DLEC1: variants seen among roughly 807,000 people sequenced by gnomAD.
The protein encoded by DLEC1 is deleted in lung and esophageal cancer protein 1.
DLEC1 carries 146 observed loss-of-function variants against 198.1 expected under a neutral mutation model. That is an observed-to-expected ratio of 0.74 (90% CI 0.64 to 0.85). DLEC1 has a LOEUF of 0.85. Among genes scored for constraint, DLEC1 ranks in the 40% least tolerant of loss-of-function variants. The pLI is 0.00. For missense variants in DLEC1, 2,233 were observed against 2,220.0 expected (o/e 1.01, Z -0.12); for synonymous variants, 897 against 866.8 (o/e 1.03, Z -0.61).
chr3:38,062,966 A>G (rs1029859156), intron 5 of DLEC1, among the ~76,000 whole-genome samples, 165 bp downstream of exon 5: 6 of 152,066 alleles, frequency 3.9e-5, no homozygotes, highest in African/African-American at 1.4e-4. Flanking sequence ...TGGCCTTTGA[A>G]CCTTCCCCAG....
intron 27 of DLEC1, among the ~76,000 whole-genome samples, chr3:38,116,023 G>A (rs1700138116): frequency 6.6e-6 from 1 of 152,116 alleles, no homozygotes; most frequent in East Asian, 1.9e-4. Context: ...AGACAGAGGT[G>A]GACATGGCGG....
chr3:38,110,928 GCA>G lies in DLEC1; in HGVS notation c.3443+656_3443+657del, dbSNP rs376080987. Among the ~76,000 whole-genome samples, 742 of 151,732 alleles carry G rather than the reference GCA, an allele frequency of 4.9e-3. 5 individuals are homozygous for G. The highest frequency in any genetic ancestry group is 0.017 in the African/African-American group (712 of 41,348). On this transcript the variant is annotated intron_variant, in intron 23 of 36. Transcript: ENST00000308059. Reference sequence around the variant, plus strand: ...CACATATGTATACACATATACACATGCACACACACATATACATAAACATACAT... The same window carrying G: ...CACATATGTATACACATATACACATGCACACACATATACATAAACATACAT...
At chr3:38,068,601 C>A (rs906120050) in intron 6 of DLEC1, among the ~76,000 whole-genome samples, 5 of 152,166 alleles carry the variant, frequency 3.3e-5, no homozygotes, top group Admixed American at 2.0e-4. Flanking sequence ...AGGAGTTATC[C>A]TATATGATAG....
chr3:38,102,246 C>T (rs774487588), intron 19 of DLEC1, among the ~76,000 whole-genome samples: 3 of 152,174 alleles, frequency 2.0e-5, no homozygotes, highest in Non-Finnish European at 2.9e-5. Context: ...ACACTCCCAC[C>T]TTAACAATCT....
rs879233741 is a variant in DLEC1, at chr3:38,112,112, T to G, written c.3515-98T>G. The G allele has an allele frequency of 1.5e-5, 24 of 1,549,442 alleles. No individual in the cohort carries two copies. The highest frequency in any genetic ancestry group is 1.1e-4 in the East Asian group (5 of 44,150). On this transcript the variant is annotated intron_variant, in intron 24 of 36. Coordinates refer to ENST00000308059, the MANE Select transcript of DLEC1 (RefSeq NM_007335.4). This position sits in a 1 kb window ranked among gnomAD's most constrained non-coding sequence, Gnocchi z 4.8. The stretch of plus-strand genomic sequence containing the variant: ...GCCTGACCAAGGAGAGGCTGGAGGG[T>G]GGCTTATCGGGGACAGTGCTTTGCT...
chr3:38,064,007 C>CTTTTTTTTTTTTTTTTTTTTTT (rs71094947), intron 6 of DLEC1, 88 bp downstream of exon 6: 1 of 417,598 alleles, frequency 2.4e-6, no homozygotes, highest in Non-Finnish European at 3.7e-6. Flanking sequence ...TTTTTTTTTT[C>CTTTTTTTTTTTTTTTTTTTTTT]TTTTTTTTTT....
In DLEC1 at chr3:38,116,774, T is replaced by C. The variant is rs756455564; in HGVS notation, c.4064T>C (p.Val1355Ala). ...SEFSHETDSS[V>A]EGSSSASNRV... is the part of the protein sequence containing the mutation. ...ACCTCAGTGATTCCTTGGTGACAGG[T>C]TGAGGGCAGCTCCAGTGCCAGCAAT... is the stretch of plus-strand genomic sequence containing the variant. Residue 1355 changes from valine to alanine, a missense_variant and splice_region_variant, in exon 29 of 37, where the codon GTT becomes GCT. Transcript: ENST00000308059. 4.3e-6 allele frequency: 7 copies of C among 1,611,748 alleles called. No individual in the cohort carries two copies. The South Asian group carries it at 6.6e-5, about 15-fold the overall frequency.
chr3:38,116,573 G>A lies in DLEC1; in HGVS notation c.3977G>A (p.Cys1326Tyr), dbSNP rs1236508221. 1.2e-6 allele frequency: 2 copies of A among 1,614,006 alleles called. No homozygotes were observed. Among genetic ancestry groups the A allele is most frequent in the East Asian group, 2.2e-5 (1 of 44,888 alleles). ...GACCAAGCCGGGAATGAGCTTGTGT[G>A]CCCTGATACCCCTGAGGGTGGCTGC... ...LRDQAGNELV[C>Y]PDTPEGGCLL... Residue 1326 changes from cysteine to tyrosine, a missense_variant, in exon 28 of 37, where the codon TGC becomes TAC. By Grantham distance (194) the Cys-to-Tyr change is radical (BLOSUM62 -2). Coordinates refer to ENST00000308059, the MANE Select transcript of DLEC1 (RefSeq NM_007335.4).
At position 38,063,889 on chromosome 3, in the gene DLEC1, C is replaced by T; in HGVS notation, c.1143C>T (p.Phe381=). 6.2e-7 allele frequency: 1 copy of T among 1,613,042 alleles called. No homozygotes were observed. Among genetic ancestry groups the T allele is most frequent in the Non-Finnish European group, 8.5e-7 (1 of 1,179,438 alleles). The part of the protein sequence containing the change: ...VFLAKPPIGF[F]TDYEIGPVYE... Reference sequence around the variant, plus strand: ...TAGCTAAGCCACCAATTGGGTTTTTCACAGATTATGAAATTGGTCCAGTTT... The same window carrying T: ...TAGCTAAGCCACCAATTGGGTTTTTTACAGATTATGAAATTGGTCCAGTTT... Residue 381 remains phenylalanine (F), a synonymous_variant, in exon 6 of 37, where the codon TTC becomes TTT. Transcript: ENST00000308059.
At chr3:38,045,430 C>CT in intron 1 of DLEC1, 113 bp from the exon 2 acceptor site, 1 of 1,351,698 alleles carries the variant, frequency 7.4e-7, no homozygotes, top group Non-Finnish European at 9.9e-7. Flanking sequence ...GAATAGTTCT[C>CT]TGACTATTCT....
rs565318994 is a variant in DLEC1 at position 38,071,220 on chromosome 3, G to A, written c.1173+7301G>A. ...TTTTGGATGAATTGAGAAACTAAAC[G>A]GAAGATACAAGGTCTGAATAAAAGA... is the stretch of plus-strand genomic sequence containing the variant. On this transcript the variant is annotated intron_variant, in intron 6 of 36. Coordinates refer to ENST00000308059, the MANE Select transcript of DLEC1 (RefSeq NM_007335.4). Among the ~76,000 whole-genome samples the A allele has an allele frequency of 7.2e-5, 11 of 152,282 alleles. No individual in the cohort carries two copies. In the South Asian group the frequency reaches 1.7e-3, roughly 23 times the overall value.
At chr3:38,079,081 G>A (rs1697805196) in intron 6 of DLEC1, among the ~76,000 whole-genome samples, 1 of 152,168 alleles carries the variant, frequency 6.6e-6, no homozygotes, top group South Asian at 2.1e-4. Flanking sequence ...TGCATGATCG[G>A]TCGCCAAGGA....
chr3:38,110,141 C>G lies in DLEC1; in HGVS notation c.3303C>G (p.Asp1101Glu), dbSNP rs1464723456. The change falls in exon 23 of 37, where the codon GAC becomes GAG. Residue 1101 changes from aspartate (D) to glutamate (E), a missense_variant. Coordinates refer to ENST00000308059, the MANE Select transcript of DLEC1 (RefSeq NM_007335.4). ...WPGHPKELRL[D>E]FGSAVPLRTR... ...GCCACCCAAAGGAGCTCCGCCTGGACTTTGGCTCAGCGGTGCCACTGAGGA... is the reference window on the plus strand; with the variant it reads ...GCCACCCAAAGGAGCTCCGCCTGGAGTTTGGCTCAGCGGTGCCACTGAGGA... 1 of 1,614,202 alleles carries G rather than the reference C, an allele frequency of 6.2e-7. No individual in the cohort carries two copies. Among genetic ancestry groups the G allele is most frequent in the Admixed American group, 1.7e-5 (1 of 60,034 alleles).
chr3:38,104,653 C>T (rs1699477230), intron 19 of DLEC1, among the ~76,000 whole-genome samples: 1 of 152,106 alleles, frequency 6.6e-6, no homozygotes, highest in South Asian at 2.1e-4. Flanking sequence ...TTCCTGATTT[C>T]TCTAATTTGA....
intron 6 of DLEC1, among the ~76,000 whole-genome samples, chr3:38,082,397 G>A (rs1305999139): frequency 4.8e-4 from 73 of 151,050 alleles, no homozygotes; most frequent in African/African-American, 9.7e-4. Context: ...ACGGGGTGGC[G>A]GCCGGGCAGA....
chr3:38,117,447 C>T (rs767394618), intron 31 of DLEC1, 80 bp from the exon 32 acceptor site: 16 of 1,606,288 alleles, frequency 1.0e-5, no homozygotes, highest in Middle Eastern at 3.3e-4. Context: ...AAGGCTGGCC[C>T]GAGGCTGGAT....
At chr3:38,051,496 G>A (rs1305157180) in intron 2 of DLEC1, among the ~76,000 whole-genome samples, 1 of 152,224 alleles carries the variant, frequency 6.6e-6, no homozygotes, top group Non-Finnish European at 1.5e-5. Context: ...TGCCACAGGG[G>A]AGAGGCCAGA....
At chr3:38,095,146 C>A in intron 13 of DLEC1, 75 bp downstream of exon 13, 1 of 1,554,238 alleles carries the variant, frequency 6.4e-7, no homozygotes, top group Non-Finnish European at 8.8e-7. Flanking sequence ...GTTCCTCAAT[C>A]ACACTGAAGC....
At position 38,063,927 on chromosome 3, in the gene DLEC1, T is replaced by A. The variant is rs1292394464; in HGVS notation, c.1173+8T>A. The A allele has an allele frequency of 6.2e-7, 1 of 1,601,258 alleles. No homozygotes were observed. The highest frequency in any genetic ancestry group is 8.5e-7 in the Non-Finnish European group (1 of 1,169,732). On this transcript the variant is annotated splice_region_variant and intron_variant, in intron 6 of 36. Coordinates refer to ENST00000308059, the MANE Select transcript of DLEC1 (RefSeq NM_007335.4). ...ATTGGTCCAGTTTATGAGGTAGACA[T>A]CTTGTTTCTTTACAGCTCCCACCCC...
Sources: allele counts gnomAD v4.1 joint callset (sites outside exome capture counted in the v4.1 genomes callset), GRCh38; gene constraint gnomAD v4.1.1; non-coding constraint Gnocchi (gnomAD v3.1); transcripts MANE v1.5; gene names NCBI Gene and HGNC (gene_info 2026-07-23, HGNC 2026-07-21).